Variants in FAM135A observed in about 807,000 individuals in gnomAD.
FAM135A encodes protein FAM135A.
A neutral mutation model predicts 146.8 loss-of-function variants in FAM135A; 79 were observed. The observed-to-expected ratio is 0.54, with a 90% CI of 0.45 to 0.65. FAM135A has a LOEUF of 0.65. Ranked by LOEUF, FAM135A falls within the 30% of genes least tolerant of loss-of-function variation. The pLI is 0.00. For missense variants in FAM135A, 1,623 were observed against 1,758.2 expected, an observed-to-expected ratio of 0.92 and a Z score of 1.38; for synonymous variants, 562 against 603.6, an observed-to-expected ratio of 0.93 and a Z score of 1.01.
At chr6:70,513,666 G>A (rs1488327066) in intron 12 of FAM135A, among the ~76,000 whole-genome samples, 2 of 151,900 alleles carry the variant, frequency 1.3e-5, no homozygotes, top group Non-Finnish European at 2.9e-5. Flanking sequence ...GTTGCTACTA[G>A]GATGTAGAAG....
chr6:70,542,559 G>A (rs1240203380), intron 20 of FAM135A, among the ~76,000 whole-genome samples: 1 of 151,984 alleles, frequency 6.6e-6, no homozygotes, highest in African/African-American at 2.4e-5. Context: ...TTTGAGACAG[G>A]GTCTCATGCT....
At chr6:70,486,073 C>T (rs1409185883) in intron 10 of FAM135A, 7 of 947,288 alleles carry the variant, frequency 7.4e-6, no homozygotes, top group African/African-American at 3.3e-5. Flanking sequence ...ATCAGATCAA[C>T]ACTAAGTCTA....
chr6:70,547,862 A>C (rs1175322969), intron 20 of FAM135A, among the ~76,000 whole-genome samples: 1 of 152,198 alleles, frequency 6.6e-6, no homozygotes, highest in East Asian at 1.9e-4. Flanking sequence ...TTCTGGTTAA[A>C]CCATGTCATC....
intron 4 of FAM135A, among the ~76,000 whole-genome samples, chr6:70,431,828 A>G (rs1313920804): frequency 6.6e-6 from 1 of 152,198 alleles, no homozygotes; most frequent in Non-Finnish European, 1.5e-5. Flanking sequence ...CATGAAAAAA[A>G]TGATTATTTG....
Position 70,430,072 on chromosome 6 carries a change from C to T in FAM135A, c.77+1653C>T, listed in dbSNP as rs367598123. 1.6e-3 allele frequency among the ~76,000 whole-genome samples: 238 copies of T among 152,218 alleles called. 1 individual carries two copies. The highest frequency in any genetic ancestry group is 1.5e-3 in the Non-Finnish European group (105 of 68,010). ...GAGCAGAAGGCCGGGTGCGGTGGCT[C>T]ACGCCTGTAATCCCAGCACTTTGGG... On this transcript the variant is annotated intron_variant, in intron 4 of 21. Coordinates refer to ENST00000418814, the MANE Select transcript of FAM135A (RefSeq NM_001162529.3).
chr6:70,519,908 T>C (rs1363781761), intron 12 of FAM135A, among the ~76,000 whole-genome samples: 4 of 133,014 alleles, frequency 3.0e-5, no homozygotes, highest in Admixed American at 2.2e-4. Context: ...AGGTATGATA[T>C]GATATATATG....
intron 4 of FAM135A, among the ~76,000 whole-genome samples, chr6:70,452,171 GAACCA>G (rs1777243368): frequency 6.6e-6 from 1 of 151,938 alleles, no homozygotes; most frequent in Admixed American, 6.6e-5. Context: ...AAGCAAAAAT[GAACCA>G]AATGAAACAA....
chr6:70,533,163 A>G lies in FAM135A; in HGVS notation c.3779A>G (p.Asn1260Ser), dbSNP rs1228355484. 1.2e-6 allele frequency: 2 copies of G among 1,611,632 alleles called. No homozygotes were observed. The highest frequency in any genetic ancestry group is 2.2e-5 in the East Asian group (1 of 44,724). ...AACATCATTTTTCATTTTTTAGGAAACAGTGCAGATCTCCGATTAGTAAAA... is the reference window on the plus strand; with the variant it reads ...AACATCATTTTTCATTTTTTAGGAAGCAGTGCAGATCTCCGATTAGTAAAA... ...LIVCVHGLDG[N>S]SADLRLVKTY... is the part of the protein sequence containing the mutation. The change falls in exon 17 of 22, where the codon AAC becomes AGC. Residue 1260 changes from asparagine (N) to serine (S), a missense_variant. Physicochemically the swap from Asn to Ser is conservative, Grantham distance 46. Coordinates refer to ENST00000418814, the MANE Select transcript of FAM135A (RefSeq NM_001162529.3).
At position 70,526,389 on chromosome 6, in the gene FAM135A, A is replaced by C; in HGVS notation, c.3305A>C (p.Glu1102Ala). ...QQMVQNGYYE[E>A]TDYSALDGTI... ...ATGGTTCAAAATGGGTACTATGAAG[A>C]AACAGATTATTCAGCTTTGGATGGA... Residue 1102 changes from glutamate (E) to alanine (A), a missense_variant, in exon 15 of 22, where the codon GAA (glutamate) becomes GCA (alanine). Physicochemically the swap from Glu to Ala is moderately radical, Grantham distance 107. This residue lies in a region of FAM135A where 1,061 missense variants were observed against 1,113.8 expected (regional missense o/e 0.95). Transcript: ENST00000418814. 6.2e-7 allele frequency: 1 copy of C among 1,613,660 alleles called. No individual in the cohort carries two copies. Among genetic ancestry groups the C allele is most frequent in the Non-Finnish European group, 8.5e-7 (1 of 1,179,694 alleles).
intron 4 of FAM135A, among the ~76,000 whole-genome samples, chr6:70,434,831 AAATT>A (rs1173485385): frequency 2.6e-5 from 4 of 152,158 alleles, no homozygotes; most frequent in African/African-American, 9.6e-5. Context: ...TACTACTAAT[AAATT>A]AAGTAGTGAG....
chr6:70,455,152 G>C lies in FAM135A; in HGVS notation c.157+2581G>C, dbSNP rs1371266004. Among the ~76,000 whole-genome samples, 5 of 152,208 alleles carry C rather than the reference G, an allele frequency of 3.3e-5. No homozygotes were observed. In the East Asian group the frequency reaches 9.7e-4, roughly 29 times the overall value. ...CTTGAAGAGGTCCTTCACATCCCTT[G>C]TAAGTTGGATTCCTAGGTATTTTAT... On this transcript the variant is annotated intron_variant, in intron 5 of 21. Coordinates refer to ENST00000418814, the MANE Select transcript of FAM135A (RefSeq NM_001162529.3).
chr6:70,498,032 T>G (rs1191465852), intron 11 of FAM135A, among the ~76,000 whole-genome samples: 1 of 152,234 alleles, frequency 6.6e-6, no homozygotes, highest in Non-Finnish European at 1.5e-5. Context: ...TTGTTTGGAA[T>G]AGTTTCAGAA....
At chr6:70,540,572 G>A (rs548312251) in intron 20 of FAM135A, among the ~76,000 whole-genome samples, 4 of 152,038 alleles carry the variant, frequency 2.6e-5, no homozygotes, top group South Asian at 2.1e-4. Flanking sequence ...TGATCCGCCC[G>A]CCTCGGCCTC....
chr6:70,463,568 T>A (rs1403716503), intron 5 of FAM135A, among the ~76,000 whole-genome samples: 1 of 152,140 alleles, frequency 6.6e-6, no homozygotes, highest in Admixed American at 6.6e-5. Flanking sequence ...CCCATAGCAT[T>A]TTCTATGTAC....
intron 12 of FAM135A, among the ~76,000 whole-genome samples, chr6:70,511,969 C>A (rs902844091): frequency 6.6e-6 from 1 of 151,848 alleles, no homozygotes; most frequent in Admixed American, 6.6e-5. Context: ...CCATCCTATA[C>A]GCGATCCATC....
chr6:70,443,769 GTTGA>G (rs1044594840), intron 4 of FAM135A, among the ~76,000 whole-genome samples: 3 of 151,246 alleles, frequency 2.0e-5, no homozygotes, highest in Admixed American at 2.0e-4. Context: ...CTTTCTATTG[GTTGA>G]TTGGTCTTTT....
chr6:70,458,519 C>T (rs1778808078), intron 5 of FAM135A, among the ~76,000 whole-genome samples: 1 of 152,112 alleles, frequency 6.6e-6, no homozygotes, highest in African/African-American at 2.4e-5. Flanking sequence ...ACACTATTCC[C>T]AACATGATTA....
chr6:70,520,092 C>T (rs774668658), intron 12 of FAM135A, among the ~76,000 whole-genome samples: 5 of 151,376 alleles, frequency 3.3e-5, no homozygotes, highest in South Asian at 2.1e-4. Flanking sequence ...TTTTTAAGGA[C>T]GGATATTTCT....
In FAM135A at chr6:70,502,693, T is replaced by C; in HGVS notation, c.931T>C (p.Cys311Arg). ...ELINMNLAQL[C>R]SLLMALWGQF... ...TATAAATATGAATCTTGCGCAACTT[T>C]GCTCACTTTTGATGGCTTTATGGGG... The change falls in exon 12 of 22, where the codon TGC becomes CGC. Residue 311 changes from cysteine to arginine, a missense_variant. By Grantham distance (180) the Cys-to-Arg change is radical. Coordinates refer to ENST00000418814, the MANE Select transcript of FAM135A (RefSeq NM_001162529.3). 1 of 1,613,448 alleles carries C rather than the reference T, an allele frequency of 6.2e-7. No homozygotes were observed. The highest frequency in any genetic ancestry group is 8.5e-7 in the Non-Finnish European group (1 of 1,179,666).
Sources: allele counts gnomAD v4.1 joint callset (sites outside exome capture counted in the v4.1 genomes callset), GRCh38; gene constraint gnomAD v4.1.1; regional missense constraint gnomAD v4.1.1; transcripts MANE v1.5; gene names NCBI Gene and HGNC (gene_info 2026-07-23, HGNC 2026-07-21).